Variants in TMEM132D observed in about 807,000 individuals in gnomAD.
TMEM132D encodes mature OL transmembrane protein.
In TMEM132D, 21 loss-of-function variants were observed where a neutral mutation model predicts 62.3. That is an observed-to-expected ratio of 0.34 (90% CI 0.24 to 0.49). TMEM132D has a LOEUF of 0.49. TMEM132D is among the 20% of genes least tolerant of loss of function. The pLI, the probability that TMEM132D is intolerant of heterozygous loss-of-function variation, is 0.99. For missense variants in TMEM132D, 1,346 were observed against 1,402.8 expected, an observed-to-expected ratio of 0.96 and a Z score of 0.65; for synonymous variants, 621 against 575.6, an observed-to-expected ratio of 1.08 and a Z score of -1.13.
At chr12:129,897,907 C>G (rs918545092) in intron 1 of TMEM132D, among the ~76,000 whole-genome samples, 4 of 152,176 alleles carry the variant, frequency 2.6e-5, no homozygotes, top group African/African-American at 7.2e-5. Context: ...TTAGTTATTC[C>G]ATATAATTAT....
At chr12:129,077,601 C>T (rs555903562) in intron 8 of TMEM132D, among the ~76,000 whole-genome samples, 2 of 152,104 alleles carry the variant, frequency 1.3e-5, no homozygotes, top group African/African-American at 4.8e-5. Flanking sequence ...GGCACCTATA[C>T]AACACAAGCA....
intron 2 of TMEM132D, among the ~76,000 whole-genome samples, chr12:129,555,634 A>G (rs1282261272): frequency 6.6e-6 from 1 of 152,222 alleles, no homozygotes; most frequent in Non-Finnish European, 1.5e-5. Flanking sequence ...TCAGGGAAAG[A>G]TAAGTGTGAC....
chr12:129,657,953 G>T (rs1396244041), intron 2 of TMEM132D, among the ~76,000 whole-genome samples: 2 of 152,230 alleles, frequency 1.3e-5, no homozygotes, highest in African/African-American at 4.8e-5. Context: ...TAGGTTCTGA[G>T]TTGCAGAGTA....
chr12:129,619,359 G>A (rs1333238907), intron 2 of TMEM132D, among the ~76,000 whole-genome samples: 4 of 152,178 alleles, frequency 2.6e-5, no homozygotes, highest in Non-Finnish European at 2.9e-5. Context: ...CTCTAAAAGG[G>A]ACAGGTTTTA....
At chr12:129,789,815 C>G (rs1022955196) in intron 1 of TMEM132D, among the ~76,000 whole-genome samples, 1 of 152,208 alleles carries the variant, frequency 6.6e-6, no homozygotes, top group Non-Finnish European at 1.5e-5. Flanking sequence ...GCCACACAAT[C>G]TTTTATCCAT....
At chr12:129,847,859 G>A (rs1873413767) in intron 1 of TMEM132D, among the ~76,000 whole-genome samples, 1 of 152,148 alleles carries the variant, frequency 6.6e-6, no homozygotes, top group Non-Finnish European at 1.5e-5. Context: ...CCCCAAGGTT[G>A]CCACGGGAGA....
At chr12:129,346,895 C>T (rs1404817115) in intron 3 of TMEM132D, among the ~76,000 whole-genome samples, 1 of 152,134 alleles carries the variant, frequency 6.6e-6, no homozygotes, top group Non-Finnish European at 1.5e-5. Flanking sequence ...GTATCACAAG[C>T]ATTCCCATAC....
intron 2 of TMEM132D, among the ~76,000 whole-genome samples, chr12:129,658,856 A>G (rs1175863711): frequency 6.6e-6 from 1 of 152,152 alleles, no homozygotes; most frequent in Non-Finnish European, 1.5e-5. Flanking sequence ...GAAGAGAGAG[A>G]GGCCAAAGAG....
At chr12:129,432,291 TTGGATGGA>T (rs1343742913) in intron 3 of TMEM132D, among the ~76,000 whole-genome samples, 1 of 20,966 alleles carries the variant, frequency 4.8e-5, no homozygotes, top group East Asian at 5.0e-3. Flanking sequence ...GGATGGATGC[TTGGATGGA>T]TGGATGGATG....
chr12:129,495,508 C>T (rs1362644240), intron 3 of TMEM132D, among the ~76,000 whole-genome samples: 1 of 152,132 alleles, frequency 6.6e-6, no homozygotes, highest in Non-Finnish European at 1.5e-5. Context: ...GGGGGTGTGC[C>T]ATCAGCTATC....
intron 4 of TMEM132D, among the ~76,000 whole-genome samples, chr12:129,255,659 A>T (rs1453723269): frequency 6.6e-6 from 1 of 152,162 alleles, no homozygotes; most frequent in African/African-American, 2.4e-5. Flanking sequence ...CGTGTCCTCA[A>T]CCTTCACCTG....
In TMEM132D at chr12:129,261,757, T is replaced by C. The variant is rs577153807; in HGVS notation, c.1300-52094A>G. On this transcript the variant is annotated intron_variant, in intron 4 of 8. Transcript: ENST00000422113. The stretch of plus-strand genomic sequence containing the variant: ...CTCTGTGTGTGTCTGTGTCCTAATC[T>C]CTGCTTACGAGGACACCAAGCATAT... Among the ~76,000 whole-genome samples the C allele has an allele frequency of 2.6e-5, 4 of 152,276 alleles. No individual in the cohort carries two copies. In the South Asian group the frequency reaches 8.3e-4, roughly 32 times the overall value.
intron 1 of TMEM132D, among the ~76,000 whole-genome samples, chr12:129,765,205 T>C (rs11060542): frequency 0.75 from 113,574 of 152,096 alleles, 42,510 homozygotes; most frequent in Middle Eastern, 0.85. Flanking sequence ...TCTGATTCTG[T>C]GGAGGCAATT....
chr12:129,873,441 A>C (rs972362023), intron 1 of TMEM132D, among the ~76,000 whole-genome samples: 4 of 152,248 alleles, frequency 2.6e-5, no homozygotes, highest in Non-Finnish European at 4.4e-5. Flanking sequence ...GCCGTCGCCT[A>C]CATTACTATA....
chr12:129,175,217 T>C (rs1476112651), intron 5 of TMEM132D, among the ~76,000 whole-genome samples: 1 of 111,044 alleles, frequency 9.0e-6, no homozygotes, highest in Admixed American at 9.8e-5. Context: ...GGTTTTACAT[T>C]TGTCTTTAAT....
In TMEM132D at chr12:129,808,850, G is replaced by A. The variant is rs930407630; in HGVS notation, c.79+94411C>T. Among the ~76,000 whole-genome samples the A allele has an allele frequency of 5.9e-5, 9 of 151,924 alleles. No individual in the cohort carries two copies. The East Asian group carries it at 1.7e-3, about 29-fold the overall frequency. The stretch of plus-strand genomic sequence containing the variant: ...TTTTACAAAGAACACAAAGATATTA[G>A]AGAATATGTTTTTCAGTGTCCAAAA... On this transcript the variant is annotated intron_variant, in intron 1 of 8. Coordinates refer to ENST00000422113, the MANE Select transcript of TMEM132D (RefSeq NM_133448.3).
At chr12:129,082,091 G>T in intron 6 of TMEM132D, 59 bp from the exon 7 acceptor site, 1 of 1,537,252 alleles carries the variant, frequency 6.5e-7, no homozygotes, top group Non-Finnish European at 8.8e-7. Context: ...GTAAGGGGCC[G>T]TGTGTGGAGC....
Position 129,209,561 on chromosome 12 carries a change from C to A in TMEM132D, c.1402G>T (p.Glu468Ter). ...EDDGTVTELL[E>*]SVECRSSDED... Reference sequence around the variant, plus strand: ...TCAGACGATCTACACTCCACAGACTCCAGCAGCTCTGTCACTGTGCCGTCG... The same window carrying A: ...TCAGACGATCTACACTCCACAGACTACAGCAGCTCTGTCACTGTGCCGTCG... Residue 468 changes from glutamate (E) to a stop codon, truncating the protein, a stop_gained, in exon 5 of 9, where the codon GAG (glutamate) becomes TAG (stop). Coordinates refer to ENST00000422113, the MANE Select transcript of TMEM132D (RefSeq NM_133448.3). LOFTEE classifies it high-confidence loss of function. 1 of 1,614,192 alleles carries A rather than the reference C, an allele frequency of 6.2e-7. No homozygotes were observed. The highest frequency in any genetic ancestry group is 8.5e-7 in the Non-Finnish European group (1 of 1,180,014).
At chr12:129,754,319 G>A (rs564723060) in intron 1 of TMEM132D, among the ~76,000 whole-genome samples, 38 of 152,292 alleles carry the variant, frequency 2.5e-4, no homozygotes, top group South Asian at 8.3e-4. Context: ...AGTGATCAGA[G>A]TTCCCCCAGT....
Sources: allele counts gnomAD v4.1 joint callset (sites outside exome capture counted in the v4.1 genomes callset), GRCh38; gene constraint gnomAD v4.1.1; transcripts MANE v1.5; gene names NCBI Gene and HGNC (gene_info 2026-07-23, HGNC 2026-07-21).